Variants in OPCML observed in about 807,000 individuals in gnomAD.
The protein encoded by OPCML is opioid binding protein/cell adhesion molecule like.
In OPCML, 13 loss-of-function variants were observed where a neutral mutation model predicts 37.8. The ratio of observed to expected loss-of-function variants is 0.34; its 90% confidence interval spans 0.22 to 0.55. The LOEUF (loss-of-function observed/expected upper bound fraction) is 0.55, where lower values mean the gene tolerates loss of function less well. Ranked by LOEUF, OPCML falls within the 20% of genes least tolerant of loss-of-function variation. The probability of loss-of-function intolerance (pLI) is 0.91; values close to 1 mark genes in which losing one functional copy is unlikely to be tolerated. For missense variants in OPCML, 341 were observed against 435.6 expected (o/e 0.78, Z 1.93); for synonymous variants, 176 against 168.8 (o/e 1.04, Z -0.33).
At chr11:133,051,957 G>C (rs578153667) in intron 1 of OPCML, among the ~76,000 whole-genome samples, 1 of 152,276 alleles carries the variant, frequency 6.6e-6, no homozygotes. Context: ...CAGAGTCAGC[G>C]GGGAGGAGAT....
chr11:132,598,115 G>T (rs535123459), intron 3 of OPCML, among the ~76,000 whole-genome samples: 2 of 151,982 alleles, frequency 1.3e-5, no homozygotes, highest in Non-Finnish European at 2.9e-5. Context: ...CAAGTATCAG[G>T]CATTGTGGGA....
At chr11:132,710,527 T>C (rs1413776655) in intron 2 of OPCML, among the ~76,000 whole-genome samples, 1 of 152,196 alleles carries the variant, frequency 6.6e-6, no homozygotes, top group Non-Finnish European at 1.5e-5. Context: ...TGCCTATTAG[T>C]TGTCAAATGG....
intron 3 of OPCML, among the ~76,000 whole-genome samples, chr11:132,652,220 C>T (rs1184344256): frequency 6.6e-6 from 1 of 152,040 alleles, no homozygotes; most frequent in Non-Finnish European, 1.5e-5. Flanking sequence ...CTCTCTTTGC[C>T]CCCCTCACAG....
intron 3 of OPCML, among the ~76,000 whole-genome samples, chr11:132,641,938 G>A (rs1940874523): frequency 6.6e-6 from 1 of 152,192 alleles, no homozygotes; most frequent in East Asian, 1.9e-4. Flanking sequence ...TTGAAAGGAG[G>A]TGATGGAGAT....
intron 1 of OPCML, among the ~76,000 whole-genome samples, chr11:133,313,937 A>G (rs781640581): frequency 5.9e-5 from 9 of 152,222 alleles, no homozygotes; most frequent in Non-Finnish European, 1.2e-4. Context: ...TTTATTTGCT[A>G]TAAGAATACG....
chr11:132,501,872 C>T (rs2096246382), intron 4 of OPCML, among the ~76,000 whole-genome samples: 1 of 152,204 alleles, frequency 6.6e-6, no homozygotes, highest in African/African-American at 2.4e-5. Context: ...ATAGACCCTC[C>T]TATCTGCTAT....
At chr11:133,049,435 A>G (rs146993460) in intron 1 of OPCML, among the ~76,000 whole-genome samples, 2 of 152,134 alleles carry the variant, frequency 1.3e-5, no homozygotes, top group African/African-American at 2.4e-5. Context: ...CCTCCCACTC[A>G]CTAATCACGT....
intron 2 of OPCML, among the ~76,000 whole-genome samples, chr11:132,844,808 G>A (rs1410770141): frequency 2.0e-5 from 3 of 152,060 alleles, no homozygotes; most frequent in Non-Finnish European, 4.4e-5. Flanking sequence ...GAGTTGGTTT[G>A]TAGCTTGTAT....
At chr11:133,384,247 CAAAAAAAAAA>C (rs1186998875) in intron 1 of OPCML, among the ~76,000 whole-genome samples, 1 of 71,250 alleles carries the variant, frequency 1.4e-5, no homozygotes. Flanking sequence ...GGCCACTGTG[CAAAAAAAAAA>C]AAAAAAAAGA....
chr11:132,816,368 A>T (rs1051365315), intron 2 of OPCML, among the ~76,000 whole-genome samples: 2 of 152,210 alleles, frequency 1.3e-5, no homozygotes, highest in African/African-American at 4.8e-5. Context: ...CCGAGGCATT[A>T]TGTAAGTGAA....
At chr11:132,790,757 T>G (rs1937852726) in intron 2 of OPCML, among the ~76,000 whole-genome samples, 1 of 152,208 alleles carries the variant, frequency 6.6e-6, no homozygotes, top group Non-Finnish European at 1.5e-5. Context: ...TGCACACACC[T>G]GCATGCCATT....
intron 2 of OPCML, among the ~76,000 whole-genome samples, chr11:132,756,167 T>C (rs1946036227): frequency 6.6e-6 from 1 of 152,184 alleles, no homozygotes; most frequent in South Asian, 2.1e-4. Context: ...ATGCATGTTA[T>C]AAGAGTACTA....
chr11:132,555,820 A>T (rs1413315125), intron 3 of OPCML, among the ~76,000 whole-genome samples: 5 of 152,156 alleles, frequency 3.3e-5, no homozygotes, highest in Non-Finnish European at 7.4e-5. Flanking sequence ...TGAACTCTGT[A>T]CCTGTGTGTA....
At chr11:132,906,263 T>G (rs1289565764) in intron 2 of OPCML, among the ~76,000 whole-genome samples, 1 of 152,266 alleles carries the variant, frequency 6.6e-6, no homozygotes, top group African/African-American at 2.4e-5. Flanking sequence ...CTCATCAGAA[T>G]GCTTTACAAT....
At chr11:132,615,887 A>G (rs905451315) in intron 3 of OPCML, among the ~76,000 whole-genome samples, 1 of 152,244 alleles carries the variant, frequency 6.6e-6, no homozygotes, top group African/African-American at 2.4e-5. Flanking sequence ...GTGAGTAACC[A>G]AGAGGGAAAA....
At chr11:132,545,592 C>G (rs1464842285) in intron 3 of OPCML, among the ~76,000 whole-genome samples, 1 of 152,186 alleles carries the variant, frequency 6.6e-6, no homozygotes, top group African/African-American at 2.4e-5. Flanking sequence ...TTTATCATTT[C>G]CATCCCTTTA....
intron 2 of OPCML, among the ~76,000 whole-genome samples, chr11:132,760,561 T>C (rs1338253586): frequency 2.4e-5 from 3 of 126,450 alleles, no homozygotes; most frequent in Admixed American, 7.7e-5. Context: ...AATGCCCTTC[T>C]TTTTTTTTTT....
At chr11:133,301,999 C>T (rs1199596031) in intron 1 of OPCML, 1 of 152,104 alleles carries the variant, frequency 6.6e-6, no homozygotes, top group Non-Finnish European at 1.5e-5. Flanking sequence ...ACATAAAAAG[C>T]TTGGAAAGAC....
Position 133,217,172 on chromosome 11 carries a change from C to G in OPCML, c.62-274162G>C, listed in dbSNP as rs568693956. Among the ~76,000 whole-genome samples the G allele has an allele frequency of 4.6e-5, 7 of 152,282 alleles. No individual in the cohort carries two copies. The South Asian group carries it at 1.4e-3, about 32-fold the overall frequency. ...AGGTGAGCAGCCCACTCACACTAGA[C>G]CCCCCATCTCTCTTTTTTCTGGTCA... On this transcript the variant is annotated intron_variant, in intron 1 of 7. Transcript: ENST00000524381.
Sources: allele counts gnomAD v4.1 joint callset (sites outside exome capture counted in the v4.1 genomes callset), GRCh38; gene constraint gnomAD v4.1.1; transcripts MANE v1.5; gene names NCBI Gene and HGNC (gene_info 2026-07-23, HGNC 2026-07-21).